Variants in VWCE observed in about 807,000 individuals in gnomAD.
VWCE encodes the protein von Willebrand factor C and EGF domain-containing protein.
A neutral mutation model predicts 102.9 loss-of-function variants in VWCE; 68 were observed. That is an observed-to-expected ratio of 0.66 (90% CI 0.54 to 0.81). VWCE has a LOEUF of 0.81. VWCE is among the 30% of genes least tolerant of loss of function. The pLI is 0.00. For synonymous variants in VWCE, 497 were observed against 515.4 expected, an observed-to-expected ratio of 0.96 and a Z score of 0.48; for missense variants, 1,137 against 1,263.6, an observed-to-expected ratio of 0.90 and a Z score of 1.52.
At position 61,273,569 on chromosome 11, in the gene VWCE, C is replaced by G. The variant is rs568055432; in HGVS notation, c.1582-253G>C. 1.9e-4 allele frequency: 98 copies of G among 505,308 alleles called. No homozygotes were observed. The East Asian group carries it at 3.0e-3, about 15-fold the overall frequency. 31.3% of individuals were successfully genotyped at this position (505,308 alleles called of 1,614,324 possible). ...GCATCCTGGGAATAGGCACGGCCTTCACCATCTCTCACCCTCCCGCTTCCA... is the reference window on the plus strand; with the variant it reads ...GCATCCTGGGAATAGGCACGGCCTTGACCATCTCTCACCCTCCCGCTTCCA... On this transcript the variant is annotated intron_variant, in intron 12 of 19. Transcript: ENST00000335613.
chr11:61,278,061 T>C (rs1301497589), intron 10 of VWCE, among the ~76,000 whole-genome samples: 2 of 152,200 alleles, frequency 1.3e-5, no homozygotes, highest in Non-Finnish European at 2.9e-5. Context: ...ACCTTTATTG[T>C]GCTGGCAAAT....
rs1161802455 is a variant in VWCE at position 61,280,844 on chromosome 11, A to G, written c.1179T>C (p.His393=). 1.3e-6 allele frequency: 2 copies of G among 1,549,396 alleles called. No individual in the cohort carries two copies. The highest frequency in any genetic ancestry group is 1.3e-5 in the South Asian group (1 of 79,822). The part of the protein sequence containing the change: ...PSPCWHLGAM[H]ESRSRWTEPG... ...GCTCTGTCCAGCGACTCCTTGATTC[A>G]TGCATGGCTCCCAGGTGCCAGCAGG... The change falls in exon 8 of 20, where the codon CAT becomes CAC. Residue 393 remains histidine, a synonymous_variant. Transcript: ENST00000335613.
At chr11:61,271,410 G>C in intron 14 of VWCE, 1 of 349,202 alleles carries the variant, frequency 2.9e-6, no homozygotes, top group South Asian at 2.6e-5. Context: ...CTCCCAAAGT[G>C]CTGGGATTAC....
rs1422322942 is a variant in VWCE at position 61,265,161 on chromosome 11, G to A, written c.2017C>T (p.Pro673Ser). Residue 673 changes from proline to serine, a missense_variant, in exon 17 of 20, where the codon CCT (proline) becomes TCT (serine). Coordinates refer to ENST00000335613, the MANE Select transcript of VWCE (RefSeq NM_152718.2). Reference protein sequence around the residue: ...PVDCPITCTYPFHPDGECCPV... With the variant: ...PVDCPITCTYSFHPDGECCPV... ...CAGCACTCCCCGTCAGGGTGGAAAGGGTAGGTACAGGTGATGGGGCAGTCC... is the reference window on the plus strand; with the variant it reads ...CAGCACTCCCCGTCAGGGTGGAAAGAGTAGGTACAGGTGATGGGGCAGTCC... The A allele has an allele frequency of 6.4e-7, 1 of 1,555,892 alleles. No homozygotes were observed. The highest frequency in any genetic ancestry group is 8.7e-7 in the Non-Finnish European group (1 of 1,150,522).
rs561310203 is a variant in VWCE, at chr11:61,281,378, C to T, written c.788-143G>A. The T allele has an allele frequency of 9.3e-4, 960 of 1,032,002 alleles. 4 individuals carry two copies. Among genetic ancestry groups the T allele is most frequent in the Middle Eastern group, 6.0e-3 (19 of 3,166 alleles). The allele number at this position is 1,032,002 out of a possible 1,614,324, so 63.9% of individuals were successfully genotyped here. On this transcript the variant is annotated intron_variant, in intron 7 of 19. Coordinates refer to ENST00000335613, the MANE Select transcript of VWCE (RefSeq NM_152718.2). ...CAACATTCTACTATGTTTATGGGGA[C>T]ACTGTCGCCGTTTGGCAGGGCGAAC...
intron 15 of VWCE, among the ~76,000 whole-genome samples, 164 bp downstream of exon 15, chr11:61,268,758 G>T (rs1285866585): frequency 1.3e-5 from 2 of 152,150 alleles, no homozygotes; most frequent in African/African-American, 4.8e-5. Context: ...ACTCAGAGGG[G>T]GCCTGACTTG....
In VWCE at chr11:61,280,898, C is replaced by A; in HGVS notation, c.1125G>T (p.Glu375Asp). The A allele has an allele frequency of 6.5e-7, 1 of 1,530,400 alleles. No individual in the cohort carries two copies. The highest frequency in any genetic ancestry group is 1.3e-5 in the South Asian group (1 of 76,790). 94.8% of individuals were successfully genotyped at this position (1,530,400 alleles called of 1,614,324 possible). A position where few individuals can be genotyped will look rare whatever the true frequency, so the allele number is the denominator to read the frequency against. Residue 375 changes from glutamate (E) to aspartate (D), a missense_variant, in exon 8 of 20, where the codon GAG (glutamate) becomes GAT (aspartate). This residue lies in a region of VWCE where 575 missense variants were observed against 625.9 expected (regional missense o/e 0.92). Coordinates refer to ENST00000335613, the MANE Select transcript of VWCE (RefSeq NM_152718.2). ...MGTPSSPRGP[E>D]SPRLAAGPSP... is the part of the protein sequence containing the mutation. ...AGGGCCCTGCTGCCAGTCGGGGGGA[C>A]TCAGGGCCCCTGGGTGAGGAAGGGG...
At chr11:61,267,654 C>A in intron 15 of VWCE, 110 bp from the exon 16 acceptor site, 1 of 953,502 alleles carries the variant, frequency 1.0e-6, no homozygotes, top group South Asian at 1.4e-5. Context: ...AGGCCATGTG[C>A]CTCCCCAGGC....
Position 61,294,118 on chromosome 11 carries a change from T to G in VWCE, c.110+810A>C, listed in dbSNP as rs570735528. Among the ~76,000 whole-genome samples the G allele has an allele frequency of 6.6e-6, 1 of 152,058 alleles. No homozygotes were observed. The highest frequency in any genetic ancestry group is 2.1e-4 in the South Asian group (1 of 4,810). ...GGACCGAGCACCCGCCAGAGCGCCC[T>G]AAGGAGCCTCCTAGGGCTGGTGACA... On this transcript the variant is annotated intron_variant, in intron 1 of 19. Coordinates refer to ENST00000335613, the MANE Select transcript of VWCE (RefSeq NM_152718.2). This position sits in a 1 kb window ranked among gnomAD's most constrained non-coding sequence, Gnocchi z 6.3.
At chr11:61,270,822 A>G (rs981610029) in intron 14 of VWCE, among the ~76,000 whole-genome samples, 2 of 143,560 alleles carry the variant, frequency 1.4e-5, no homozygotes, top group African/African-American at 5.2e-5. Flanking sequence ...TGTGTTACAC[A>G]CACTTTTTTT....
At chr11:61,264,455 G>C in intron 19 of VWCE, 32 bp downstream of exon 19, 1 of 1,595,702 alleles carries the variant, frequency 6.3e-7, no homozygotes, top group East Asian at 2.2e-5. Flanking sequence ...AGAAGATGGC[G>C]GAGAAACTCC....
chr11:61,269,267 G>A (rs961780276), intron 14 of VWCE: 7 of 495,008 alleles, frequency 1.4e-5, no homozygotes, highest in African/African-American at 5.8e-5. Context: ...GGTCTCCTCC[G>A]CTTCCTGTAG....
rs748899830 is a variant in VWCE at position 61,259,224 on chromosome 11, G to A, written c.2319C>T (p.Asp773=). The A allele has an allele frequency of 6.2e-7, 1 of 1,614,096 alleles. No homozygotes were observed. The highest frequency in any genetic ancestry group is 8.5e-7 in the Non-Finnish European group (1 of 1,179,976). ...FSKAGRSLHG[D]TEAPVNCSSC... ...AGCTACAGTTGACAGGGGCCTCAGT[G>A]TCTCCATGCAGGCTCCGACCAGCTT... The change falls in exon 20 of 20, where the codon GAC becomes GAT. Residue 773 remains aspartate, a synonymous_variant. Coordinates refer to ENST00000335613, the MANE Select transcript of VWCE (RefSeq NM_152718.2).
chr11:61,280,075 G>A (rs1855067063), intron 9 of VWCE, among the ~76,000 whole-genome samples: 1 of 152,152 alleles, frequency 6.6e-6, no homozygotes, highest in African/African-American at 2.4e-5. Flanking sequence ...TGCAGAGCAA[G>A]TTTCGAGAAG....
At chr11:61,261,471 A>C (rs1033620304) in intron 19 of VWCE, among the ~76,000 whole-genome samples, 10 of 152,040 alleles carry the variant, frequency 6.6e-5, no homozygotes, top group African/African-American at 2.2e-4. Context: ...GGCTGGGCTC[A>C]GTGGCTCATG....
intron 12 of VWCE, chr11:61,273,584 T>G: frequency 2.1e-6 from 1 of 469,500 alleles, no homozygotes; most frequent in Non-Finnish European, 3.8e-6. Context: ...TCTCTCACCC[T>G]CCCGCTTCCA....
At chr11:61,280,127 C>T (rs975083777) in intron 9 of VWCE, among the ~76,000 whole-genome samples, 3 of 152,074 alleles carry the variant, frequency 2.0e-5, no homozygotes, top group African/African-American at 7.2e-5. Context: ...CCTATCCTTC[C>T]AGCAATGGGA....
chr11:61,280,742 GCCA>G (rs1168351300), intron 8 of VWCE, 25 bp from the exon 9 acceptor site: 51 of 1,613,752 alleles, frequency 3.2e-5, no homozygotes, highest in Non-Finnish European at 4.2e-5. Context: ...AGGAGTTAGA[GCCA>G]CCACAAGGCC....
chr11:61,277,011 G>A (rs1161250440), intron 10 of VWCE, among the ~76,000 whole-genome samples: 2 of 116,518 alleles, frequency 1.7e-5, no homozygotes, highest in African/African-American at 3.5e-5. Context: ...AGGAAGGAAG[G>A]AGGGAGGGAG....
Sources: gnomAD v4.1 joint callset for allele counts (sites outside exome capture counted in the v4.1 genomes callset) on GRCh38, gnomAD v4.1.1 for gene constraint, gnomAD v4.1.1 regional missense constraint, Gnocchi (gnomAD v3.1) non-coding constraint, MANE v1.5 for transcripts, NCBI Gene and HGNC (gene_info 2026-07-23, HGNC 2026-07-21) for gene names.